PRPSAP1: variants seen among roughly 807,000 people sequenced by gnomAD.
The protein encoded by PRPSAP1 is phosphoribosyl pyrophosphate synthase-associated protein 1.
In PRPSAP1, 31 loss-of-function variants were observed where a neutral mutation model predicts 39.4. The ratio of observed to expected loss-of-function variants is 0.79; its 90% confidence interval spans 0.59 to 1.06. The LOEUF (loss-of-function observed/expected upper bound fraction) is 1.06, where lower values mean the gene tolerates loss of function less well. PRPSAP1 is among the 50% of genes least tolerant of loss of function. The pLI is 0.00. For synonymous variants in PRPSAP1, 212 were observed against 192.6 expected, an observed-to-expected ratio of 1.10 and a Z score of -0.83; for missense variants, 430 against 511.6, an observed-to-expected ratio of 0.84 and a Z score of 1.54.
chr17:76,316,192 G>GA (rs531349364), intron 7 of PRPSAP1, among the ~76,000 whole-genome samples: 12,040 of 124,462 alleles, frequency 0.097, 1,121 homozygotes, highest in African/African-American at 0.26. Context: ...AAAAAAAAAA[G>GA]AAAAAAAAAA....
intron 6 of PRPSAP1, among the ~76,000 whole-genome samples, chr17:76,329,484 C>T (rs1240342572): frequency 6.6e-6 from 1 of 152,128 alleles, no homozygotes; most frequent in Admixed American, 6.6e-5. Context: ...CCTGTAAACC[C>T]AGCACTTTGG....
At chr17:76,351,452 C>T (rs2071570443) in intron 1 of PRPSAP1, among the ~76,000 whole-genome samples, 15 of 151,926 alleles carry the variant, frequency 9.9e-5, no homozygotes, top group Admixed American at 9.9e-4. Flanking sequence ...GGGGCGTAGC[C>T]TGCAGTGAGC....
intron 7 of PRPSAP1, among the ~76,000 whole-genome samples, chr17:76,320,717 T>A (rs936601694): frequency 6.6e-6 from 1 of 150,630 alleles, no homozygotes; most frequent in Non-Finnish European, 1.5e-5. Flanking sequence ...TACCAGATAA[T>A]AAAATTTTTA....
At chr17:76,317,690 C>T (rs932643630) in intron 7 of PRPSAP1, among the ~76,000 whole-genome samples, 5 of 152,184 alleles carry the variant, frequency 3.3e-5, no homozygotes, top group East Asian at 1.9e-4. Flanking sequence ...GTGGTGAAAA[C>T]CACATCTTCA....
chr17:76,328,570 C>G (rs2143494207), intron 7 of PRPSAP1, 147 bp downstream of exon 7: 1 of 1,042,182 alleles, frequency 9.6e-7, no homozygotes, highest in Non-Finnish European at 1.4e-6. Flanking sequence ...GATCACGCCA[C>G]TGCACTCTAG....
intron 2 of PRPSAP1, among the ~76,000 whole-genome samples, chr17:76,345,335 C>T (rs1296253353): frequency 1.3e-5 from 2 of 149,022 alleles, no homozygotes; most frequent in African/African-American, 5.0e-5. Flanking sequence ...GGCATGGTGG[C>T]GCACAACTAT....
chr17:76,316,326 T>C (rs1238902194), intron 7 of PRPSAP1, among the ~76,000 whole-genome samples: 6 of 152,096 alleles, frequency 3.9e-5, no homozygotes, highest in Admixed American at 6.6e-5. Context: ...AAAGAACTAC[T>C]GTTAGTTTCG....
intron 7 of PRPSAP1, among the ~76,000 whole-genome samples, chr17:76,320,352 G>GAAGGAAGA (rs759360735): frequency 0.092 from 9,119 of 99,202 alleles, 838 homozygotes; most frequent in African/African-American, 0.28. Flanking sequence ...AGGAAGGAAG[G>GAAGGAAGA]AAGAAAAAGG....
At chr17:76,325,055 G>A (rs1190793640) in intron 7 of PRPSAP1, among the ~76,000 whole-genome samples, 5 of 139,852 alleles carry the variant, frequency 3.6e-5, no homozygotes, top group Non-Finnish European at 6.2e-5. Flanking sequence ...GACAGAGAGA[G>A]ACTCGTCTCA....
chr17:76,351,058 G>A (rs576837162), intron 1 of PRPSAP1, among the ~76,000 whole-genome samples: 61 of 151,972 alleles, frequency 4.0e-4, no homozygotes, highest in African/African-American at 1.2e-3. Flanking sequence ...AACAAAAAAC[G>A]GTTAAAAAGG....
rs977703052 is a variant in PRPSAP1 at position 76,353,909 on chromosome 17, C to G, written c.-206G>C. On this transcript the variant is annotated 5_prime_UTR_variant, in exon 1 of 10. Coordinates refer to ENST00000446526, the MANE Select transcript of PRPSAP1 (RefSeq NM_002766.3). ...AGCGCCCGGCGCCGCCGCCTCAGAG[C>G]CAGAGGCAAGGCCACCGCCCCCTCC... 64 of 1,325,012 alleles carry G rather than the reference C, an allele frequency of 4.8e-5. No individual in the cohort carries two copies. The highest frequency in any genetic ancestry group is 1.2e-4 in the Admixed American group (3 of 24,552). The allele number at this position is 1,325,012 out of a possible 1,614,324, so 82.1% of individuals were successfully genotyped here.
At chr17:76,341,312 A>ACTG (rs2071436267) in intron 3 of PRPSAP1, among the ~76,000 whole-genome samples, 1 of 144,070 alleles carries the variant, frequency 6.9e-6, no homozygotes. Context: ...ATCACAGCTC[A>ACTG]CTGTAGCCTC....
chr17:76,325,080 A>G (rs2071240233), intron 7 of PRPSAP1, among the ~76,000 whole-genome samples: 1 of 149,030 alleles, frequency 6.7e-6, no homozygotes, highest in South Asian at 2.1e-4. Flanking sequence ...AAAAAAAAAA[A>G]AAAGAAAAGA....
chr17:76,346,036 G>T, intron 2 of PRPSAP1: 1 of 433,354 alleles, frequency 2.3e-6, no homozygotes. Flanking sequence ...TGGCGAGGAG[G>T]GGAATGACTC....
At chr17:76,330,472 G>A (rs449114) in intron 5 of PRPSAP1, 79 bp downstream of exon 5, 880,482 of 1,093,986 alleles carry the variant, frequency 0.8, 356,114 homozygotes, top group African/African-American at 0.93. Flanking sequence ...GTGCCTTCCA[G>A]TAACGAAATC....
In PRPSAP1 at chr17:76,353,667, C is replaced by T. The variant is rs935018351; in HGVS notation, c.37G>A (p.Ala13Thr). ...CGCGGGACGCGGAAAGCCGAGGACG[C>T]GGAGGGCGGGGGCAACAGCAGCAGC... ...KKLLLLPPPS[A>T]SSAFRVPRAR... The change falls in exon 1 of 10, where the codon GCG becomes ACG. Residue 13 changes from alanine (A) to threonine (T), a missense_variant. Coordinates refer to ENST00000446526, the MANE Select transcript of PRPSAP1 (RefSeq NM_002766.3). The T allele has an allele frequency of 2.0e-6, 3 of 1,523,054 alleles. No homozygotes were observed. The highest frequency in any genetic ancestry group is 2.9e-5 in the African/African-American group (2 of 69,694). The allele number at this position is 1,523,054 out of a possible 1,614,324, so 94.3% of individuals were successfully genotyped here.
At chr17:76,326,123 G>A (rs534450788) in intron 7 of PRPSAP1, among the ~76,000 whole-genome samples, 1 of 152,126 alleles carries the variant, frequency 6.6e-6, no homozygotes, top group South Asian at 2.1e-4. Context: ...TTCCTGTGAC[G>A]ACAATGAATT....
chr17:76,329,075 T>TC (rs553663302), intron 6 of PRPSAP1: 4 of 97,926 alleles, frequency 4.1e-5, no homozygotes, highest in Admixed American at 2.7e-4. Context: ...ATTCTAGACA[T>TC]TTTTTTTTTT....
intron 3 of PRPSAP1, among the ~76,000 whole-genome samples, chr17:76,342,688 T>C (rs1300585635): frequency 6.9e-6 from 1 of 145,910 alleles, no homozygotes; most frequent in Non-Finnish European, 1.5e-5. Context: ...ACTGCATTCC[T>C]GCATGAGTGA....
Sources: allele counts gnomAD v4.1 joint callset (sites outside exome capture counted in the v4.1 genomes callset), GRCh38; gene constraint gnomAD v4.1.1; transcripts MANE v1.5; gene names NCBI Gene and HGNC (gene_info 2026-07-23, HGNC 2026-07-21).